The following CCDC102B variants were observed in gnomAD, a reference collection of about 807,000 sequenced individuals.
CCDC102B encodes the protein coiled-coil domain-containing protein 102B.
In CCDC102B, 75 loss-of-function variants were observed where a neutral mutation model predicts 57.4. The observed-to-expected ratio is 1.31, with a 90% confidence interval of 1.08 to 1.58. The LOEUF is 1.58. Among genes scored for constraint, CCDC102B ranks in the 40% most tolerant of loss-of-function variants. The probability of loss-of-function intolerance (pLI) is 0.00; values close to 1 mark genes in which losing one functional copy is unlikely to be tolerated. For missense variants in CCDC102B, 636 were observed against 582.6 expected, an observed-to-expected ratio of 1.09 and a Z score of -0.94; for synonymous variants, 206 against 201.9, an observed-to-expected ratio of 1.02 and a Z score of -0.17.
intron 6 of CCDC102B, among the ~76,000 whole-genome samples, chr18:68,983,412 A>C (rs896018479): frequency 6.6e-6 from 1 of 152,022 alleles, no homozygotes; most frequent in African/African-American, 2.4e-5. Context: ...ATGCAACTGC[A>C]GGGAGGGTTT....
At chr18:68,877,847 A>G (rs2039509876) in intron 5 of CCDC102B, among the ~76,000 whole-genome samples, 1 of 152,216 alleles carries the variant, frequency 6.6e-6, no homozygotes, top group African/African-American at 2.4e-5. Context: ...TAAAAAGGAA[A>G]GGAAAGGGCC....
chr18:68,771,169 A>C (rs1321085742), intron 2 of CCDC102B, among the ~76,000 whole-genome samples: 1 of 152,180 alleles, frequency 6.6e-6, no homozygotes, highest in Non-Finnish European at 1.5e-5. Context: ...CAATGGCTGC[A>C]TGGTGGTGTT....
chr18:68,758,920 T>A (rs1225146741), intron 2 of CCDC102B, among the ~76,000 whole-genome samples: 2 of 140,558 alleles, frequency 1.4e-5, no homozygotes, highest in African/African-American at 2.6e-5. Context: ...GCAAAATCTA[T>A]AAAGAGAGAA....
intron 6 of CCDC102B, 107 bp from the exon 7 acceptor site, chr18:69,010,827 C>T: frequency 4.0e-6 from 3 of 754,942 alleles, no homozygotes; most frequent in Non-Finnish European, 6.1e-6. Flanking sequence ...GATGGCTCAT[C>T]TAAATTCTTC....
intron 4 of CCDC102B, among the ~76,000 whole-genome samples, chr18:68,870,518 C>T (rs1241699091): frequency 6.6e-6 from 1 of 152,022 alleles, no homozygotes; most frequent in Non-Finnish European, 1.5e-5. Flanking sequence ...AATGAGTTTG[C>T]CAAATACCCT....
At chr18:69,013,058 A>G (rs2051562895) in intron 7 of CCDC102B, among the ~76,000 whole-genome samples, 1 of 152,120 alleles carries the variant, frequency 6.6e-6, no homozygotes, top group Non-Finnish European at 1.5e-5. Context: ...TATCAAAAAG[A>G]TACCTGCCCC....
intron 5 of CCDC102B, among the ~76,000 whole-genome samples, chr18:68,884,605 CAT>C (rs1172859718): frequency 4.2e-5 from 6 of 142,040 alleles, no homozygotes; most frequent in Non-Finnish European, 9.3e-5. Flanking sequence ...CACACACACA[CAT>C]ATACACACAC....
intron 7 of CCDC102B, among the ~76,000 whole-genome samples, chr18:69,027,533 A>G (rs528516486): frequency 2.0e-4 from 30 of 152,302 alleles, no homozygotes; most frequent in Non-Finnish European, 3.8e-4. Context: ...TGCTATGTCT[A>G]GGTGTAAATC....
intron 6 of CCDC102B, chr18:68,993,478 A>T (rs181764380): frequency 3.9e-5 from 6 of 152,336 alleles, no homozygotes; most frequent in African/African-American, 1.4e-4. Context: ...TGTAATAAAG[A>T]TACACAGTGC....
intron 6 of CCDC102B, among the ~76,000 whole-genome samples, chr18:68,980,291 T>C (rs2050544492): frequency 6.6e-6 from 1 of 151,502 alleles, no homozygotes; most frequent in Admixed American, 6.6e-5. Flanking sequence ...AAGTTTCCTT[T>C]ATTGAATACC....
chr18:68,807,592 G>T (rs1040796628), intron 1 of CCDC102B, among the ~76,000 whole-genome samples: 24 of 152,048 alleles, frequency 1.6e-4, no homozygotes, highest in African/African-American at 5.3e-4. Context: ...CTTGCACATG[G>T]CGTCCATTTT....
At chr18:68,724,179 C>T (rs538597726) in intron 2 of CCDC102B, among the ~76,000 whole-genome samples, 74 of 152,298 alleles carry the variant, frequency 4.9e-4, no homozygotes, top group African/African-American at 1.7e-3. Context: ...GGCACCAGGT[C>T]CTGAGGCTAC....
intron 6 of CCDC102B, among the ~76,000 whole-genome samples, chr18:68,937,810 A>G (rs576584435): frequency 6.9e-6 from 1 of 145,780 alleles, no homozygotes; most frequent in Non-Finnish European, 1.5e-5. Context: ...CCCTGTGTCC[A>G]TGTGTACTCA....
At chr18:68,969,530 T>G (rs1393491207) in intron 6 of CCDC102B, among the ~76,000 whole-genome samples, 1 of 150,714 alleles carries the variant, frequency 6.6e-6, no homozygotes, top group Non-Finnish European at 1.5e-5. Context: ...GTGAGATCAA[T>G]CCCTGCAATT....
rs1251393331 is a variant in CCDC102B at position 69,011,086 on chromosome 18, C to T, written c.1416C>T (p.Leu472=). ...RLRVEELKQG[L]NQKEDELDDS... is the part of the protein sequence containing the mutation. The stretch of plus-strand genomic sequence containing the variant: ...GAGTGGAAGAACTAAAGCAGGGACT[C>T]AATCAAAAAGAAGATGAGGTACTAC... The change falls in exon 7 of 8, where the codon CTC becomes CTT. Residue 472 remains leucine, a synonymous_variant. Transcript: ENST00000360242. 5 of 1,612,928 alleles carry T rather than the reference C, an allele frequency of 3.1e-6. No homozygotes were observed. Among genetic ancestry groups the T allele is most frequent in the Non-Finnish European group, 4.2e-6 (5 of 1,179,584 alleles).
At chr18:68,815,673 T>TACACACAC (rs1297745318) in intron 1 of CCDC102B, among the ~76,000 whole-genome samples, 2 of 48,750 alleles carry the variant, frequency 4.1e-5, no homozygotes, top group African/African-American at 1.9e-4. Flanking sequence ...CACCTCCATT[T>TACACACAC]ACATACACAC....
intron 2 of CCDC102B, among the ~76,000 whole-genome samples, chr18:68,773,708 G>A (rs766651535): frequency 1.3e-5 from 2 of 151,758 alleles, no homozygotes; most frequent in African/African-American, 2.4e-5. Flanking sequence ...TAAGACTAAC[G>A]GTTTTGGGAG....
At chr18:68,790,181 G>T (rs1473693253) in intron 2 of CCDC102B, among the ~76,000 whole-genome samples, 1 of 151,170 alleles carries the variant, frequency 6.6e-6, no homozygotes, top group East Asian at 1.9e-4. Flanking sequence ...GAGGCAGTCT[G>T]CCCATTCTCA....
intron 7 of CCDC102B, among the ~76,000 whole-genome samples, chr18:69,049,234 T>A (rs1249130316): frequency 6.6e-6 from 1 of 152,038 alleles, no homozygotes; most frequent in Non-Finnish European, 1.5e-5. Context: ...TGTTCCCCTC[T>A]CTGTGTCCAT....
Sources: gnomAD v4.1 joint callset for allele counts (sites outside exome capture counted in the v4.1 genomes callset) on GRCh38, gnomAD v4.1.1 for gene constraint, MANE v1.5 for transcripts, NCBI Gene and HGNC (gene_info 2026-07-23, HGNC 2026-07-21) for gene names.